The following NCAN variants were observed in gnomAD, a reference collection of about 807,000 sequenced individuals.
NCAN encodes the protein neurocan, also known as neurocan core protein.
NCAN carries 47 observed loss-of-function variants against 121.8 expected under a neutral mutation model. The ratio of observed to expected loss-of-function variants is 0.39; its 90% CI spans 0.31 to 0.49. NCAN has a LOEUF of 0.49. Ranked by LOEUF, NCAN falls within the 20% of genes least tolerant of loss-of-function variation. The probability of loss-of-function intolerance (pLI) is 0.92; values close to 1 mark genes in which losing one functional copy is unlikely to be tolerated. For missense variants in NCAN, 1,517 were observed against 1,773.4 expected (o/e 0.86, Z 2.60); for synonymous variants, 633 against 702.0 (o/e 0.90, Z 1.55).
In NCAN at chr19:19,238,306, T is replaced by C; in HGVS notation, c.3304T>C (p.Tyr1102His). ...TAAGTTCCAGGGCCACTGTTACCGC[T>C]ATTTTGCCCACCGGAGGGCATGGGA... Reference protein sequence around the residue: ...WHKFQGHCYRYFAHRRAWEDA... With the variant: ...WHKFQGHCYRHFAHRRAWEDA... The change falls in exon 11 of 15, where the codon TAT becomes CAT. Residue 1102 changes from tyrosine to histidine, a missense_variant. By Grantham distance (83) the Tyr-to-His change is moderately conservative. Transcript: ENST00000252575. The C allele has an allele frequency of 6.2e-7, 1 of 1,614,188 alleles. No individual in the cohort carries two copies.
chr19:19,229,390 G>A (rs1051621575), intron 8 of NCAN, among the ~76,000 whole-genome samples: 4 of 152,140 alleles, frequency 2.6e-5, no homozygotes, highest in Non-Finnish European at 5.9e-5. Flanking sequence ...CCTCCCAGGC[G>A]AGACCAGAGG....
At chr19:19,231,275 A>G (rs2060858326) in intron 8 of NCAN, among the ~76,000 whole-genome samples, 1 of 151,818 alleles carries the variant, frequency 6.6e-6, no homozygotes, top group African/African-American at 2.4e-5. Flanking sequence ...CAGCCATGCA[A>G]CTAAGGGAGT....
rs576331516 is a variant in NCAN at position 19,213,703 on chromosome 19, C to A, written c.-8+1639C>A. 2.0e-5 allele frequency among the ~76,000 whole-genome samples: 3 copies of A among 152,126 alleles called. No individual in the cohort carries two copies. The East Asian group carries it at 5.8e-4, about 29-fold the overall frequency. ...TATCTGGAGGGGCCAAGGGTTCTTTCCATGCGGTTGGCAGTGTGCACCCTT... is the reference window on the plus strand; with the variant it reads ...TATCTGGAGGGGCCAAGGGTTCTTTACATGCGGTTGGCAGTGTGCACCCTT... On this transcript the variant is annotated intron_variant, in intron 1 of 14. Coordinates refer to ENST00000252575, the MANE Select transcript of NCAN (RefSeq NM_004386.3).
rs888496963 is a variant in NCAN at position 19,238,141 on chromosome 19, G to T, written c.3251-112G>T. ...CAGGCATGGGGAGAGGGGTGATTTC[G>T]CCCCGCAGTGACCTTGGATTGGGCC... is the stretch of plus-strand genomic sequence containing the variant. On this transcript the variant is annotated intron_variant, in intron 10 of 14. Coordinates refer to ENST00000252575, the MANE Select transcript of NCAN (RefSeq NM_004386.3). The T allele has an allele frequency of 7.1e-6, 10 of 1,410,326 alleles. No homozygotes were observed. The East Asian group carries it at 2.1e-4, about 29-fold the overall frequency. 87.4% of individuals were successfully genotyped at this position (1,410,326 alleles called of 1,614,324 possible). A position where few individuals can be genotyped will look rare whatever the true frequency, so the allele number is the denominator to read the frequency against.
At position 19,248,657 on chromosome 19, in the gene NCAN, C is replaced by A. The variant is rs369044057; in HGVS notation, c.3638-43C>A. The stretch of plus-strand genomic sequence containing the variant: ...AACAACAACAACAACTAGTTTAGCC[C>A]CAGATGTGAGCACCTCTCTCACTAG... On this transcript the variant is annotated intron_variant, in intron 13 of 14. Coordinates refer to ENST00000252575, the MANE Select transcript of NCAN (RefSeq NM_004386.3). 2.5e-6 allele frequency: 4 copies of A among 1,580,066 alleles called. No homozygotes were observed. The East Asian group carries it at 9.0e-5, about 35-fold the overall frequency.
intron 8 of NCAN, 136 bp downstream of exon 8, chr19:19,228,775 A>C (rs1352354026): frequency 1.0e-6 from 1 of 974,710 alleles, no homozygotes; most frequent in African/African-American, 1.6e-5. Flanking sequence ...ATGACGCTGG[A>C]GGTAGGAGCT....
rs771906016 is a variant in NCAN, at chr19:19,228,182, C to G, written c.2562C>G (p.Ala854=). 3 of 1,613,726 alleles carry G rather than the reference C, an allele frequency of 1.9e-6. No homozygotes were observed. The African/African-American group carries it at 4.0e-5, about 22-fold the overall frequency. The change falls in exon 8 of 15, where the codon GCC becomes GCG. Residue 854 remains alanine (A), a synonymous_variant. Transcript: ENST00000252575. ...CTGGATCCCAGGTGTTTGAAGAAGC[C>G]GAAAGCACCACCTTGAGCCCTCAGG... ...WEPGSQVFEE[A]ESTTLSPQVA...
At chr19:19,241,513 G>A (rs1037813078) in intron 12 of NCAN, among the ~76,000 whole-genome samples, 1 of 151,794 alleles carries the variant, frequency 6.6e-6, no homozygotes, top group South Asian at 2.1e-4. Flanking sequence ...CCCTTCTCCC[G>A]CTGTGTAAAA....
rs2228602 is a variant in NCAN at position 19,227,732 on chromosome 19, C to G, written c.2112C>G (p.Asp704Glu). 3.3e-5 allele frequency: 54 copies of G among 1,613,912 alleles called. 2 individuals carry two copies. In the East Asian group the frequency reaches 1.2e-3, roughly 35 times the overall value. ...MPTTPESPRADFRETGETSPA... is the reference protein window; with the variant it reads ...MPTTPESPRAEFRETGETSPA... ...CAACACCTGAGTCCCCCAGGGCAGA[C>G]TTCAGAGAAACTGGGGAGACCAGCC... is the stretch of plus-strand genomic sequence containing the variant. Residue 704 changes from aspartate (D) to glutamate (E), a missense_variant, in exon 8 of 15, where the codon GAC becomes GAG. Coordinates refer to ENST00000252575, the MANE Select transcript of NCAN (RefSeq NM_004386.3). This position sits in a 1 kb window ranked among gnomAD's most constrained non-coding sequence, Gnocchi z 4.2.
Position 19,212,082 on chromosome 19 carries a change from G to A in NCAN, c.-8+18G>A. On this transcript the variant is annotated intron_variant, in intron 1 of 14. Transcript: ENST00000252575. This position sits in a 1 kb window ranked among gnomAD's most constrained non-coding sequence, Gnocchi z 4.5. Reference sequence around the variant, plus strand: ...GGAGCCAGGTGGGGGATCCGTGAGGGGGCCGTGTTGCGGGAGAAGACTTCG... The same window carrying A: ...GGAGCCAGGTGGGGGATCCGTGAGGAGGCCGTGTTGCGGGAGAAGACTTCG... 5.1e-6 allele frequency: 1 copy of A among 194,752 alleles called. No individual in the cohort carries two copies. The allele number at this position is 194,752 out of a possible 1,614,324, so 12.1% of individuals were successfully genotyped here.
intron 2 of NCAN, among the ~76,000 whole-genome samples, chr19:19,217,276 G>A (rs2060799404): frequency 6.6e-6 from 1 of 152,222 alleles, no homozygotes; most frequent in African/African-American, 2.4e-5. Flanking sequence ...TGGAGAGAAA[G>A]AAAGAAAGAA....
chr19:19,248,415 A>G (rs1189314718), intron 13 of NCAN, among the ~76,000 whole-genome samples: 2 of 152,174 alleles, frequency 1.3e-5, no homozygotes, highest in Non-Finnish European at 2.9e-5. Context: ...ACTGCACTCC[A>G]GTCTGGGAGA....
rs115679634 is a variant in NCAN, at chr19:19,247,901, G to A, written c.3638-799G>A. 6.0e-3 allele frequency among the ~76,000 whole-genome samples: 920 copies of A among 152,194 alleles called. 9 individuals carry two copies. Among genetic ancestry groups the A allele is most frequent in the African/African-American group, 0.021 (883 of 41,524 alleles). ...AGGCAGGGACCTGTTGACGAGCTGA[G>A]GGGGGTGTCATTCCCAATAAAACTC... On this transcript the variant is annotated intron_variant, in intron 13 of 14. Transcript: ENST00000252575.
chr19:19,247,280 G>A (rs1473331913), intron 13 of NCAN, among the ~76,000 whole-genome samples: 1 of 151,966 alleles, frequency 6.6e-6, no homozygotes, highest in African/African-American at 2.4e-5. Context: ...TTGAGACGGC[G>A]TCTTGCTCTG....
intron 8 of NCAN, among the ~76,000 whole-genome samples, chr19:19,229,562 A>G (rs1487454328): frequency 6.6e-6 from 1 of 152,340 alleles, no homozygotes; most frequent in African/African-American, 2.4e-5. Context: ...ACCGGGGCTC[A>G]GGGAGGTAAA....
intron 3 of NCAN, among the ~76,000 whole-genome samples, chr19:19,221,882 C>A (rs1175269952): frequency 6.6e-6 from 1 of 150,966 alleles, no homozygotes; most frequent in African/African-American, 2.5e-5. Flanking sequence ...CAGAGGGAGA[C>A]CCTGACTCAA....
chr19:19,250,344 C>A lies in NCAN; in HGVS notation c.*433C>A. The A allele has an allele frequency of 2.7e-6, 1 of 365,758 alleles. No homozygotes were observed. Among genetic ancestry groups the A allele is most frequent in the Non-Finnish European group, 5.3e-6 (1 of 187,794 alleles). 22.7% of individuals were successfully genotyped at this position (365,758 alleles called of 1,614,324 possible). On this transcript the variant is annotated 3_prime_UTR_variant, in exon 15 of 15. Transcript: ENST00000252575. ...TGAATTCCTAAATCCAGGAAGAAGC[C>A]TGGACGTAGGGTCATTAGCTTTGGG...
chr19:19,221,677 G>A, intron 3 of NCAN, among the ~76,000 whole-genome samples: 1 of 152,114 alleles, frequency 6.6e-6, no homozygotes. Flanking sequence ...CTTGAGCCCA[G>A]GAGTTCAAGA....
At chr19:19,224,573 A>C in intron 5 of NCAN, 140 bp downstream of exon 5, 2 of 1,173,204 alleles carry the variant, frequency 1.7e-6, no homozygotes, top group Non-Finnish European at 2.3e-6. Flanking sequence ...ACATGATTCC[A>C]CTCATTTTCT....
Sources: gnomAD v4.1 joint callset for allele counts (sites outside exome capture counted in the v4.1 genomes callset) on GRCh38, gnomAD v4.1.1 for gene constraint, Gnocchi (gnomAD v3.1) non-coding constraint, MANE v1.5 for transcripts, NCBI Gene and HGNC (gene_info 2026-07-23, HGNC 2026-07-21) for gene names.